Variants in CERS6 observed in about 807,000 individuals in gnomAD.
The protein encoded by CERS6 is LAG1 homolog, ceramide synthase 6.
CERS6 carries 26 observed loss-of-function variants against 56.8 expected under a neutral mutation model. That is an observed-to-expected ratio of 0.46 (90% CI 0.34 to 0.63). The LOEUF (loss-of-function observed/expected upper bound fraction) is 0.63, where lower values mean the gene tolerates loss of function less well. Among genes scored for constraint, CERS6 ranks in the 30% least tolerant of loss-of-function variants. The probability of loss-of-function intolerance (pLI) is 0.01; values close to 1 mark genes in which losing one functional copy is unlikely to be tolerated. For synonymous variants in CERS6, 164 were observed against 173.3 expected (o/e 0.95, Z 0.42); for missense variants, 415 against 467.5 (o/e 0.89, Z 1.04).
chr2:168,530,713 C>T lies in CERS6; in HGVS notation c.171-16883C>T, dbSNP rs190417197. 5.8e-4 allele frequency among the ~76,000 whole-genome samples: 89 copies of T among 152,230 alleles called. No homozygotes were observed. The Middle Eastern group carries it at 0.01, about 17-fold the overall frequency. On this transcript the variant is annotated intron_variant, in intron 1 of 9. Coordinates refer to ENST00000305747, the MANE Select transcript of CERS6 (RefSeq NM_203463.3). ...TTCCTAGAATCCTGGGAATGTGTAG[C>T]AAGGAGCGGCAGTTTTGACATTTCT...
intron 1 of CERS6, among the ~76,000 whole-genome samples, chr2:168,478,438 T>C (rs1694118447): frequency 6.6e-6 from 1 of 152,182 alleles, no homozygotes. Flanking sequence ...CCAGCTGAAC[T>C]TTACACCCTG....
At chr2:168,656,188 G>A (rs1048933425) in intron 4 of CERS6, among the ~76,000 whole-genome samples, 20 of 152,170 alleles carry the variant, frequency 1.3e-4, no homozygotes, top group African/African-American at 4.6e-4. Context: ...CCAATAATGT[G>A]GAACAGGCAT....
chr2:168,565,817 G>C (rs1417065793), intron 3 of CERS6, among the ~76,000 whole-genome samples: 2 of 152,046 alleles, frequency 1.3e-5, no homozygotes, highest in African/African-American at 2.4e-5. Context: ...GATTCTTATT[G>C]GCAACTGAAA....
chr2:168,667,072 A>G (rs1450469267), intron 4 of CERS6, among the ~76,000 whole-genome samples: 1 of 152,108 alleles, frequency 6.6e-6, no homozygotes, highest in African/African-American at 2.4e-5. Context: ...GACATGGATA[A>G]GGCTCCTCTG....
intron 2 of CERS6, among the ~76,000 whole-genome samples, chr2:168,554,448 C>G (rs1236236722): frequency 6.6e-6 from 1 of 152,050 alleles, no homozygotes. Flanking sequence ...GGTCCTAATC[C>G]AATATGCCGG....
intron 1 of CERS6, among the ~76,000 whole-genome samples, chr2:168,487,334 C>T (rs1452482760): frequency 6.6e-6 from 1 of 152,158 alleles, no homozygotes; most frequent in Non-Finnish European, 1.5e-5. Context: ...TTTTCCTTCC[C>T]TTGCTTAATC....
intron 4 of CERS6, among the ~76,000 whole-genome samples, chr2:168,631,904 A>G (rs900787416): frequency 4.3e-5 from 6 of 138,932 alleles, no homozygotes; most frequent in African/African-American, 1.6e-4. Flanking sequence ...CATATTATAT[A>G]TATAATATCT....
chr2:168,515,130 T>C (rs958371761), intron 1 of CERS6, among the ~76,000 whole-genome samples: 5 of 152,250 alleles, frequency 3.3e-5, no homozygotes, highest in Admixed American at 1.3e-4. Context: ...ACCTTTAAAA[T>C]TGTTACTGCC....
intron 8 of CERS6, among the ~76,000 whole-genome samples, chr2:168,735,306 T>C (rs961164819): frequency 6.6e-6 from 1 of 151,654 alleles, no homozygotes; most frequent in Non-Finnish European, 1.5e-5. Context: ...AAAAAAAAAG[T>C]TAATAAGCAA....
intron 2 of CERS6, among the ~76,000 whole-genome samples, chr2:168,551,578 A>G (rs1574060216): frequency 6.6e-6 from 1 of 152,180 alleles, no homozygotes. Context: ...TTGAATAACC[A>G]TCTCACAGGC....
intron 4 of CERS6, among the ~76,000 whole-genome samples, chr2:168,660,682 T>C (rs1028047134): frequency 2.0e-5 from 3 of 152,252 alleles, no homozygotes; most frequent in African/African-American, 7.2e-5. Context: ...ATCATTATCT[T>C]TGGATATCCA....
At chr2:168,699,327 A>G (rs938369075) in intron 6 of CERS6, among the ~76,000 whole-genome samples, 5 of 152,362 alleles carry the variant, frequency 3.3e-5, no homozygotes, top group African/African-American at 9.6e-5. Flanking sequence ...TTGGCAATAC[A>G]GTATGGAAAT....
intron 8 of CERS6, among the ~76,000 whole-genome samples, chr2:168,744,776 G>A (rs1001369662): frequency 3.9e-5 from 6 of 152,144 alleles, no homozygotes; most frequent in African/African-American, 1.4e-4. Context: ...TCAACAGAAA[G>A]TTATTCAGAA....
intron 4 of CERS6, among the ~76,000 whole-genome samples, chr2:168,682,545 A>G (rs1414767686): frequency 2.0e-5 from 3 of 151,256 alleles, no homozygotes; most frequent in South Asian, 2.1e-4. Context: ...GAGCAGTTGC[A>G]TGCACCCTTG....
intron 1 of CERS6, among the ~76,000 whole-genome samples, chr2:168,482,298 G>C (rs16855373): frequency 0.044 from 6,668 of 152,252 alleles, 284 homozygotes; most frequent in African/African-American, 0.11. Flanking sequence ...TGGTGGACTA[G>C]ATCAATGGAC....
At chr2:168,636,090 G>C (rs1684853841) in intron 4 of CERS6, among the ~76,000 whole-genome samples, 1 of 152,018 alleles carries the variant, frequency 6.6e-6, no homozygotes, top group African/African-American at 2.4e-5. Context: ...TTTAAATTTG[G>C]TTTTAATGAA....
intron 3 of CERS6, among the ~76,000 whole-genome samples, chr2:168,615,901 G>A (rs749965412): frequency 3.9e-5 from 6 of 152,134 alleles, no homozygotes; most frequent in South Asian, 4.1e-4. Flanking sequence ...AAAGATCATC[G>A]CCTAGGCACA....
chr2:168,540,198 A>T (rs1695341623), intron 1 of CERS6, among the ~76,000 whole-genome samples: 1 of 151,268 alleles, frequency 6.6e-6, no homozygotes, highest in Admixed American at 6.6e-5. Context: ...GCTGCATAAC[A>T]TTTCAGTTAA....
chr2:168,498,936 C>T (rs760097890), intron 1 of CERS6, among the ~76,000 whole-genome samples: 4 of 152,006 alleles, frequency 2.6e-5, no homozygotes, highest in Non-Finnish European at 5.9e-5. Context: ...TCGTTATGAC[C>T]GTGAACTTAG....
Sources: allele counts gnomAD v4.1 joint callset (sites outside exome capture counted in the v4.1 genomes callset), GRCh38; gene constraint gnomAD v4.1.1; transcripts MANE v1.5; gene names NCBI Gene and HGNC (gene_info 2026-07-23, HGNC 2026-07-21).